Variants in KDM4C observed in about 807,000 individuals in gnomAD.
KDM4C encodes lysine demethylase 4C.
A neutral mutation model predicts 129.3 loss-of-function variants in KDM4C; 81 were observed. The observed-to-expected ratio is 0.63, with a 90% CI of 0.52 to 0.75. KDM4C has a LOEUF of 0.75. Among genes scored for constraint, KDM4C ranks in the 30% least tolerant of loss-of-function variants. The pLI is 0.00. For synonymous variants in KDM4C, 573 were observed against 456.1 expected, an observed-to-expected ratio of 1.26 and a Z score of -3.26; for missense variants, 1,457 against 1,304.0, an observed-to-expected ratio of 1.12 and a Z score of -1.81.
At chr9:6,760,714 G>C (rs1473835128) in intron 1 of KDM4C, among the ~76,000 whole-genome samples, 2 of 151,860 alleles carry the variant, frequency 1.3e-5, no homozygotes, top group Non-Finnish European at 2.9e-5. Flanking sequence ...GGGACTACAG[G>C]CACCCACCAC....
intron 8 of KDM4C, among the ~76,000 whole-genome samples, chr9:6,937,738 G>T (rs908265755): frequency 6.6e-6 from 1 of 152,130 alleles, no homozygotes. Context: ...TTCAGACAGA[G>T]TCTTGCTCTG....
chr9:7,166,234 C>T (rs1279691708), intron 20 of KDM4C, among the ~76,000 whole-genome samples: 1 of 152,164 alleles, frequency 6.6e-6, no homozygotes, highest in Non-Finnish European at 1.5e-5. Context: ...AATGATAAGA[C>T]TGTCAGTTTC....
intron 8 of KDM4C, among the ~76,000 whole-genome samples, chr9:6,959,352 C>T (rs1260593449): frequency 2.0e-5 from 3 of 152,192 alleles, no homozygotes. Context: ...CTTTGCCTCC[C>T]TGTCCTTTTC....
chr9:6,872,710 C>T (rs1842963151), intron 5 of KDM4C, among the ~76,000 whole-genome samples: 1 of 152,164 alleles, frequency 6.6e-6, no homozygotes, highest in South Asian at 2.1e-4. Flanking sequence ...CTTTTGCTTT[C>T]CATTTGCTTG....
chr9:6,919,533 G>A (rs1456611376), intron 8 of KDM4C, among the ~76,000 whole-genome samples: 2 of 58,656 alleles, frequency 3.4e-5, no homozygotes, highest in African/African-American at 5.6e-5. Context: ...AATTTCATCT[G>A]TCTGTCTGTC....
At chr9:7,063,266 A>G (rs968842562) in intron 17 of KDM4C, among the ~76,000 whole-genome samples, 1 of 152,208 alleles carries the variant, frequency 6.6e-6, no homozygotes, top group Non-Finnish European at 1.5e-5. Context: ...AATTAACTGA[A>G]AATATTGCTT....
At chr9:7,078,949 C>G (rs999812378) in intron 17 of KDM4C, among the ~76,000 whole-genome samples, 1 of 152,056 alleles carries the variant, frequency 6.6e-6, no homozygotes. Flanking sequence ...ACATCAGTGC[C>G]CAGGTTTTTA....
At chr9:7,131,382 A>G (rs1307316879) in intron 19 of KDM4C, among the ~76,000 whole-genome samples, 1 of 152,074 alleles carries the variant, frequency 6.6e-6, no homozygotes, top group Non-Finnish European at 1.5e-5. Flanking sequence ...CCCTTATAAT[A>G]TTGTATTAGG....
At chr9:6,731,105 C>T (rs10975808) in intron 1 of KDM4C, among the ~76,000 whole-genome samples, 38,014 of 151,898 alleles carry the variant, frequency 0.25, 5,490 homozygotes, top group East Asian at 0.4. Context: ...CTATCACCGT[C>T]ATAAATGTAC....
At chr9:6,886,917 C>G (rs1845377718) in intron 6 of KDM4C, among the ~76,000 whole-genome samples, 1 of 152,182 alleles carries the variant, frequency 6.6e-6, no homozygotes, top group South Asian at 2.1e-4. Context: ...CGTACCTGGC[C>G]AAATTGGTCA....
chr9:6,856,747 ATTTT>A (rs781673639), intron 5 of KDM4C, among the ~76,000 whole-genome samples: 2 of 104,302 alleles, frequency 1.9e-5, no homozygotes. Context: ...TAATTTTTGT[ATTTT>A]TTTTTTTTTT....
At chr9:6,929,580 T>C (rs532727666) in intron 8 of KDM4C, among the ~76,000 whole-genome samples, 1 of 151,846 alleles carries the variant, frequency 6.6e-6, no homozygotes, top group Admixed American at 6.6e-5. Context: ...AGGTAAGTGC[T>C]ACTCTTCCCC....
chr9:6,967,253 G>A (rs1360895579), intron 8 of KDM4C, among the ~76,000 whole-genome samples: 8 of 151,906 alleles, frequency 5.3e-5, no homozygotes, highest in East Asian at 3.9e-4. Context: ...GTGAAACCTC[G>A]TCTCTATTAA....
intron 8 of KDM4C, chr9:6,942,560 T>G (rs937852954): frequency 2.0e-5 from 3 of 152,142 alleles, no homozygotes; most frequent in East Asian, 1.9e-4. Flanking sequence ...GCTCTTCTGC[T>G]ACCAGGATGG....
intron 4 of KDM4C, among the ~76,000 whole-genome samples, chr9:6,848,738 A>T (rs185262503): frequency 5.3e-5 from 8 of 152,170 alleles, no homozygotes; most frequent in Non-Finnish European, 1.2e-4. Flanking sequence ...TAACTCTTAT[A>T]GTAGTGACTC....
intron 15 of KDM4C, among the ~76,000 whole-genome samples, chr9:7,027,498 G>T (rs1825999952): frequency 6.6e-6 from 1 of 152,180 alleles, no homozygotes; most frequent in South Asian, 2.1e-4. Flanking sequence ...AAGACTCTCT[G>T]TTGTTACCAC....
At chr9:6,939,230 G>A (rs1277701002) in intron 8 of KDM4C, among the ~76,000 whole-genome samples, 4 of 152,012 alleles carry the variant, frequency 2.6e-5, no homozygotes, top group Non-Finnish European at 5.9e-5. Context: ...ATCAGCGGTG[G>A]TATTAGATTC....
intron 19 of KDM4C, among the ~76,000 whole-genome samples, chr9:7,132,151 G>A (rs1840712107): frequency 6.6e-6 from 1 of 152,196 alleles, no homozygotes; most frequent in African/African-American, 2.4e-5. Context: ...AGGATATCAA[G>A]TTTAATCATC....
intron 1 of KDM4C, among the ~76,000 whole-genome samples, chr9:6,788,260 G>A (rs1825870463): frequency 2.6e-5 from 4 of 152,114 alleles, no homozygotes; most frequent in Admixed American, 6.6e-5. Context: ...TTTGTTCCCT[G>A]GTGAATGACT....
Sources: gnomAD v4.1 joint callset for allele counts (sites outside exome capture counted in the v4.1 genomes callset) on GRCh38, gnomAD v4.1.1 for gene constraint, MANE v1.5 for transcripts, NCBI Gene and HGNC (gene_info 2026-07-23, HGNC 2026-07-21) for gene names.